The following GPC5 variants were observed in gnomAD, a reference collection of about 807,000 sequenced individuals.
GPC5 encodes the protein glypican 5, also known as glypican-5.
In GPC5, 47 loss-of-function variants were observed where a neutral mutation model predicts 53.9. The ratio of observed to expected loss-of-function variants is 0.87; its 90% CI spans 0.69 to 1.11. The LOEUF is 1.11. GPC5 is among the 50% of genes most tolerant of loss of function. The pLI is 0.00. For missense variants in GPC5, 748 were observed against 713.1 expected, an observed-to-expected ratio of 1.05 and a Z score of -0.56; for synonymous variants, 286 against 263.3, an observed-to-expected ratio of 1.09 and a Z score of -0.84.
At chr13:92,125,468 T>C (rs1388161816) in intron 6 of GPC5, among the ~76,000 whole-genome samples, 2 of 152,100 alleles carry the variant, frequency 1.3e-5, no homozygotes, top group Non-Finnish European at 2.9e-5. Flanking sequence ...TGAATTTCAG[T>C]TGAAGCAACG....
rs563825415 is a variant in GPC5 at position 92,541,678 on chromosome 13, T to G, written c.1562-324604T>G. Among the ~76,000 whole-genome samples the G allele has an allele frequency of 3.5e-3, 537 of 152,018 alleles. 1 individual carries two copies. Among genetic ancestry groups the G allele is most frequent in the African/African-American group, 0.012 (501 of 41,540 alleles). On this transcript the variant is annotated intron_variant, in intron 7 of 7. Coordinates refer to ENST00000377067, the MANE Select transcript of GPC5 (RefSeq NM_004466.6). The stretch of plus-strand genomic sequence containing the variant: ...TGTTATGAAAAGTGTTTTTGGAGAA[T>G]GTTCATGACCATCCCAGCCTCATGA...
chr13:92,149,557 C>T (rs1275485158), intron 7 of GPC5, among the ~76,000 whole-genome samples: 4 of 151,902 alleles, frequency 2.6e-5, no homozygotes, highest in Non-Finnish European at 5.9e-5. Flanking sequence ...CAAATGTATC[C>T]ATGTCAGCGT....
intron 6 of GPC5, among the ~76,000 whole-genome samples, chr13:91,930,573 GC>G (rs2039811809): frequency 6.6e-6 from 1 of 151,760 alleles, no homozygotes; most frequent in Non-Finnish European, 1.5e-5. Context: ...TCAGTATTCA[GC>G]CTTTTTTGTC....
intron 6 of GPC5, among the ~76,000 whole-genome samples, chr13:91,931,440 T>A (rs143379812): frequency 0.033 from 4,967 of 152,130 alleles, 276 homozygotes; most frequent in African/African-American, 0.11. Context: ...AAAATTTTTA[T>A]CTGCTTAACA....
intron 6 of GPC5, among the ~76,000 whole-genome samples, chr13:91,957,559 A>C (rs1378909158): frequency 2.6e-5 from 4 of 152,190 alleles, no homozygotes; most frequent in African/African-American, 9.6e-5. Context: ...TAAAAATAGC[A>C]AGAGAAAAGC....
intron 5 of GPC5, among the ~76,000 whole-genome samples, chr13:91,854,071 A>T (rs913605864): frequency 6.6e-6 from 1 of 151,578 alleles, no homozygotes; most frequent in African/African-American, 2.4e-5. Context: ...CAACCCCTTC[A>T]TGGTTTGAGT....
At chr13:92,344,051 G>C (rs1186236379) in intron 7 of GPC5, among the ~76,000 whole-genome samples, 1 of 150,230 alleles carries the variant, frequency 6.7e-6, no homozygotes, top group Non-Finnish European at 1.5e-5. Context: ...GGAGTGGGGA[G>C]GTTAGAATCT....
chr13:91,920,540 G>A (rs926686332), intron 6 of GPC5, among the ~76,000 whole-genome samples: 3 of 152,122 alleles, frequency 2.0e-5, no homozygotes, highest in Admixed American at 1.3e-4. Context: ...AATCCACAGT[G>A]ACCATCACAA....
intron 1 of GPC5, among the ~76,000 whole-genome samples, chr13:91,430,318 T>TA (rs1879356094): frequency 6.6e-6 from 1 of 152,224 alleles, no homozygotes; most frequent in Non-Finnish European, 1.5e-5. Flanking sequence ...GCCACACTGA[T>TA]AGCCAACTGT....
chr13:91,543,409 A>G (rs1272812374), intron 2 of GPC5, among the ~76,000 whole-genome samples: 13 of 152,136 alleles, frequency 8.5e-5, no homozygotes, highest in Non-Finnish European at 7.4e-5. Flanking sequence ...TTTATTATGA[A>G]TTTTACATGT....
intron 7 of GPC5, among the ~76,000 whole-genome samples, chr13:92,310,931 A>G (rs2043141171): frequency 6.6e-6 from 1 of 152,184 alleles, no homozygotes; most frequent in African/African-American, 2.4e-5. Flanking sequence ...TCAACTCTGG[A>G]TGGTTATTCA....
chr13:92,048,253 A>T (rs969562700), intron 6 of GPC5, among the ~76,000 whole-genome samples: 2 of 149,816 alleles, frequency 1.3e-5, no homozygotes, highest in African/African-American at 4.9e-5. Flanking sequence ...AGTGTATGTT[A>T]TTCATACAAC....
intron 7 of GPC5, among the ~76,000 whole-genome samples, chr13:92,775,655 TA>T (rs2138754596): frequency 6.6e-6 from 1 of 151,916 alleles, no homozygotes; most frequent in South Asian, 2.1e-4. Flanking sequence ...CTTGTCTCAG[TA>T]AAAACCTTAT....
chr13:92,453,889 T>C (rs1878163568), intron 7 of GPC5, among the ~76,000 whole-genome samples: 1 of 152,216 alleles, frequency 6.6e-6, no homozygotes, highest in Non-Finnish European at 1.5e-5. Context: ...GGGCATGTTA[T>C]TATTTAGGCT....
At chr13:91,611,341 A>G (rs2033542772) in intron 2 of GPC5, among the ~76,000 whole-genome samples, 2 of 152,198 alleles carry the variant, frequency 1.3e-5, no homozygotes, top group Admixed American at 1.3e-4. Flanking sequence ...TTCTTTGCCC[A>G]AGGTCATGAC....
At chr13:92,856,457 C>G (rs1016307085) in intron 7 of GPC5, among the ~76,000 whole-genome samples, 1 of 152,024 alleles carries the variant, frequency 6.6e-6, no homozygotes, top group Non-Finnish European at 1.5e-5. Flanking sequence ...ACTCTCTCTA[C>G]TCCTATTCAA....
intron 4 of GPC5, among the ~76,000 whole-genome samples, chr13:91,742,564 G>A (rs1386713655): frequency 6.6e-6 from 1 of 152,160 alleles, no homozygotes; most frequent in Non-Finnish European, 1.5e-5. Context: ...CGAACTAGAA[G>A]TTGACATTGC....
chr13:92,807,821 A>G (rs1877153527), intron 7 of GPC5, among the ~76,000 whole-genome samples: 1 of 152,152 alleles, frequency 6.6e-6, no homozygotes, highest in Admixed American at 6.6e-5. Context: ...TGTGTGACTA[A>G]CACGCCTTTA....
intron 1 of GPC5, among the ~76,000 whole-genome samples, chr13:91,407,303 T>C (rs1877396356): frequency 6.6e-6 from 1 of 152,222 alleles, no homozygotes. Context: ...TAAAGGACTT[T>C]TTATCTGCTA....
Sources: allele counts gnomAD v4.1 joint callset (sites outside exome capture counted in the v4.1 genomes callset), GRCh38; gene constraint gnomAD v4.1.1; transcripts MANE v1.5; gene names NCBI Gene and HGNC (gene_info 2026-07-23, HGNC 2026-07-21).